Variants in VAV3 observed in about 807,000 individuals in gnomAD.
VAV3 encodes vav guanine nucleotide exchange factor 3.
VAV3 carries 94 observed loss-of-function variants against 131.2 expected under a neutral mutation model. The ratio of observed to expected loss-of-function variants is 0.72; its 90% CI spans 0.61 to 0.85. VAV3 has a LOEUF of 0.85. Among genes scored for constraint, VAV3 ranks in the 40% least tolerant of loss-of-function variants. The probability of loss-of-function intolerance (pLI) is 0.00; values close to 1 mark genes in which losing one functional copy is unlikely to be tolerated. For synonymous variants in VAV3, 349 were observed against 342.0 expected, an observed-to-expected ratio of 1.02 and a Z score of -0.22; for missense variants, 939 against 1,002.7, an observed-to-expected ratio of 0.94 and a Z score of 0.86.
chr1:107,764,451 C>T (rs1664622525), intron 9 of VAV3, among the ~76,000 whole-genome samples: 1 of 152,234 alleles, frequency 6.6e-6, no homozygotes, highest in African/African-American at 2.4e-5. Context: ...GTCTTCTCTT[C>T]CTTCCTGTGG....
At chr1:107,792,048 A>AG (rs1666312238) in intron 2 of VAV3, among the ~76,000 whole-genome samples, 1 of 152,190 alleles carries the variant, frequency 6.6e-6, no homozygotes, top group Middle Eastern at 3.2e-3. Flanking sequence ...TTTGACTTAT[A>AG]GCACTCATTA....
At chr1:107,869,375 A>G (rs533690222) in intron 2 of VAV3, among the ~76,000 whole-genome samples, 2 of 152,336 alleles carry the variant, frequency 1.3e-5, no homozygotes, top group South Asian at 4.1e-4. Context: ...TTAATTCAAA[A>G]TTCGACACCT....
chr1:107,620,759 A>C (rs1653525679), intron 20 of VAV3, among the ~76,000 whole-genome samples: 1 of 152,192 alleles, frequency 6.6e-6, no homozygotes, highest in Non-Finnish European at 1.5e-5. Context: ...AAAGAGGATG[A>C]GAACCCAAAG....
rs566739628 is a variant in VAV3 at position 107,945,278 on chromosome 1, AT to A, written c.204+19387del. Among the ~76,000 whole-genome samples, 37 of 152,340 alleles carry A rather than the reference AT, an allele frequency of 2.4e-4. 1 individual carries two copies. The East Asian group carries it at 4.2e-3, about 17-fold the overall frequency. ...TTATTTAATTACAAGATACATTTGAATTTTTTAGAGGCCCTTGAAAAACACC... is the reference window on the plus strand; with the variant it reads ...TTATTTAATTACAAGATACATTTGAATTTTTAGAGGCCCTTGAAAAACACC... On this transcript the variant is annotated intron_variant, in intron 1 of 26. Coordinates refer to ENST00000370056, the MANE Select transcript of VAV3 (RefSeq NM_006113.5).
At chr1:107,754,179 A>G (rs529225029) in intron 12 of VAV3, among the ~76,000 whole-genome samples, 26 of 152,324 alleles carry the variant, frequency 1.7e-4, no homozygotes, top group African/African-American at 6.0e-4. Context: ...AGGACCTTAA[A>G]TATCATGCCA....
At chr1:107,582,470 G>C (rs1220272026) in intron 25 of VAV3, among the ~76,000 whole-genome samples, 1 of 151,764 alleles carries the variant, frequency 6.6e-6, no homozygotes, top group Non-Finnish European at 1.5e-5. Context: ...GTGCAGGTTA[G>C]TTACATATGT....
chr1:107,897,880 C>A (rs1400299475), intron 1 of VAV3, among the ~76,000 whole-genome samples: 1 of 152,028 alleles, frequency 6.6e-6, no homozygotes, highest in Non-Finnish European at 1.5e-5. Flanking sequence ...AAAATCCCCT[C>A]TTGCTCTTTT....
intron 19 of VAV3, among the ~76,000 whole-genome samples, chr1:107,654,002 C>G (rs1656362391): frequency 6.6e-6 from 1 of 152,024 alleles, no homozygotes; most frequent in East Asian, 1.9e-4. Flanking sequence ...TAGCACAGTG[C>G]CTGTGTCAAA....
intron 1 of VAV3, among the ~76,000 whole-genome samples, chr1:107,935,966 T>C (rs1673691546): frequency 6.6e-6 from 1 of 152,130 alleles, no homozygotes; most frequent in Non-Finnish European, 1.5e-5. Context: ...AGTTGAAGAA[T>C]TTTGCTTTTC....
intron 2 of VAV3, among the ~76,000 whole-genome samples, chr1:107,818,904 C>T (rs979870012): frequency 6.6e-6 from 1 of 152,132 alleles, no homozygotes; most frequent in Non-Finnish European, 1.5e-5. Context: ...AATTGCCTGA[C>T]TTTCTTGAGA....
intron 15 of VAV3, among the ~76,000 whole-genome samples, chr1:107,744,359 T>C (rs1239580108): frequency 1.3e-5 from 2 of 152,202 alleles, no homozygotes; most frequent in Admixed American, 6.5e-5. Context: ...ACAGTAGTGA[T>C]GGCATATGCA....
At chr1:107,623,787 A>C (rs1314452247) in intron 20 of VAV3, among the ~76,000 whole-genome samples, 1 of 152,190 alleles carries the variant, frequency 6.6e-6, no homozygotes, top group Non-Finnish European at 1.5e-5. Flanking sequence ...TCAAAAGGGG[A>C]TATGATCCTT....
At chr1:107,827,597 G>C (rs1360009199) in intron 2 of VAV3, among the ~76,000 whole-genome samples, 1 of 152,136 alleles carries the variant, frequency 6.6e-6, no homozygotes, top group Non-Finnish European at 1.5e-5. Context: ...CATTTAACTC[G>C]ATCAAGGACC....
intron 25 of VAV3, chr1:107,578,756 A>G (rs1211901174): frequency 2.0e-6 from 2 of 984,852 alleles, no homozygotes; most frequent in African/African-American, 3.5e-5. Context: ...CTGTTTTCTA[A>G]GTGTCCATCC....
intron 17 of VAV3, among the ~76,000 whole-genome samples, chr1:107,695,882 A>G (rs532566406): frequency 5.8e-4 from 89 of 152,202 alleles, no homozygotes; most frequent in African/African-American, 1.9e-3. Context: ...AGAGTAAAAG[A>G]TTATCTACCT....
chr1:107,954,964 G>A (rs1331708482), intron 1 of VAV3, among the ~76,000 whole-genome samples: 1 of 152,192 alleles, frequency 6.6e-6, no homozygotes, highest in African/African-American at 2.4e-5. Flanking sequence ...AACAGTGCCT[G>A]CCTCACGGTG....
At chr1:107,680,204 A>G (rs6657056) in intron 19 of VAV3, among the ~76,000 whole-genome samples, 33,235 of 151,246 alleles carry the variant, frequency 0.22, 4,096 homozygotes, top group African/African-American at 0.32. Context: ...CTTTATTGCA[A>G]TAACAAACAC....
chr1:107,916,699 T>G (rs537886899), intron 1 of VAV3, among the ~76,000 whole-genome samples: 2 of 152,276 alleles, frequency 1.3e-5, no homozygotes, highest in South Asian at 4.1e-4. Flanking sequence ...GGTTGGAGTG[T>G]CTCTTTTTTG....
At chr1:107,601,315 G>C (rs1651844518) in intron 24 of VAV3, among the ~76,000 whole-genome samples, 1 of 152,140 alleles carries the variant, frequency 6.6e-6, no homozygotes, top group Non-Finnish European at 1.5e-5. Flanking sequence ...TACATCCATA[G>C]AGATTTTCTT....
Sources: gnomAD v4.1 joint callset for allele counts (sites outside exome capture counted in the v4.1 genomes callset) on GRCh38, gnomAD v4.1.1 for gene constraint, MANE v1.5 for transcripts, NCBI Gene and HGNC (gene_info 2026-07-23, HGNC 2026-07-21) for gene names.